Variants in MRC1 observed in about 807,000 individuals in gnomAD.
The protein encoded by MRC1 is macrophage mannose receptor 1.
Under a neutral mutation model 102.9 loss-of-function variants are expected in MRC1, and 62 were observed. The ratio of observed to expected loss-of-function variants is 0.60; its 90% CI spans 0.49 to 0.74. The LOEUF is 0.74. MRC1 is among the 30% of genes least tolerant of loss of function. MRC1 has a pLI of 0.00. For missense variants in MRC1, 1,237 were observed against 862.8 expected (o/e 1.43, Z -5.43); for synonymous variants, 457 against 298.4 (o/e 1.53, Z -5.48).
intron 3 of MRC1, among the ~76,000 whole-genome samples, chr10:17,831,277 A>C (rs1016471412): frequency 5.3e-5 from 8 of 151,372 alleles, no homozygotes; most frequent in African/African-American, 2.0e-4. Flanking sequence ...AATATACCCC[A>C]AATTAGTCTT....
At chr10:17,885,485 G>A in intron 22 of MRC1, 50 bp downstream of exon 22, 1 of 774,790 alleles carries the variant, frequency 1.3e-6, no homozygotes, top group South Asian at 1.4e-5. Flanking sequence ...GCTTGCACAG[G>A]GTTATCATCT....
At chr10:17,903,616 G>A (rs868953436) in intron 26 of MRC1, among the ~76,000 whole-genome samples, 4 of 151,584 alleles carry the variant, frequency 2.6e-5, no homozygotes, top group Non-Finnish European at 4.4e-5. Flanking sequence ...GGCTGTTTTC[G>A]AACTCCTGAC....
At chr10:17,817,721 C>A (rs191964922) in intron 1 of MRC1, among the ~76,000 whole-genome samples, 6 of 151,940 alleles carry the variant, frequency 3.9e-5, no homozygotes, top group Non-Finnish European at 7.4e-5. Flanking sequence ...TAAAACAGAT[C>A]GACTGTGTCG....
chr10:17,813,828 G>C (rs1030262559), intron 1 of MRC1, among the ~76,000 whole-genome samples: 1 of 151,418 alleles, frequency 6.6e-6, no homozygotes, highest in Non-Finnish European at 1.5e-5. Context: ...CTCCTAAGTA[G>C]CTGGCACCAC....
At chr10:17,841,586 A>G (rs1838750173) in intron 5 of MRC1, among the ~76,000 whole-genome samples, 1 of 152,204 alleles carries the variant, frequency 6.6e-6, no homozygotes, top group African/African-American at 2.4e-5. Context: ...AACAGAATAT[A>G]AAATAAGTTT....
At chr10:17,896,838 A>G (rs1350433967) in intron 23 of MRC1, among the ~76,000 whole-genome samples, 2 of 152,218 alleles carry the variant, frequency 1.3e-5, no homozygotes, top group African/African-American at 4.8e-5. Context: ...GACAAGGCCA[A>G]TGGCAGGTCA....
chr10:17,898,061 C>G lies in MRC1; in HGVS notation c.3278C>G (p.Thr1093Arg), dbSNP rs1486395056. The G allele has an allele frequency of 3.8e-6, 3 of 780,670 alleles. No homozygotes were observed. The highest frequency in any genetic ancestry group is 7.2e-6 in the Non-Finnish European group (3 of 417,940). 48.4% of individuals were successfully genotyped at this position (780,670 alleles called of 1,614,324 possible). A position where few individuals can be genotyped will look rare whatever the true frequency, so the allele number is the denominator to read the frequency against. Residue 1093 changes from threonine to arginine, a missense_variant, in exon 24 of 30, where the codon ACG becomes AGG. Transcript: ENST00000569591. ...SDPSLTNPPATIQTDGFVKYG... is the reference protein window; with the variant it reads ...SDPSLTNPPARIQTDGFVKYG... Reference sequence around the variant, plus strand: ...CCTTCCTTGACTAATCCTCCAGCAACGATTCAAACAGATGGCTTTGTTAAA... The same window carrying G: ...CCTTCCTTGACTAATCCTCCAGCAAGGATTCAAACAGATGGCTTTGTTAAA...
Position 17,863,646 on chromosome 10 carries a change from G to A in MRC1, c.1747G>A (p.Glu583Lys), listed in dbSNP as rs782744673. Residue 583 changes from glutamate (E) to lysine (K), a missense_variant, in exon 11 of 30, where the codon GAG becomes AAG. Coordinates refer to ENST00000569591, the MANE Select transcript of MRC1 (RefSeq NM_002438.4). ...GACTTTTCAGTGGACCATCGAGGAA[G>A]AGGTTCGGTTCACCCACTGGAATTC... ...KGTFQWTIEE[E>K]VRFTHWNSDM... 1 of 780,876 alleles carries A rather than the reference G, an allele frequency of 1.3e-6. No individual in the cohort carries two copies. Among genetic ancestry groups the A allele is most frequent in the Non-Finnish European group, 2.4e-6 (1 of 417,964 alleles). The allele number at this position is 780,876 out of a possible 1,614,324, so 48.4% of individuals were successfully genotyped here. A position where few individuals can be genotyped will look rare whatever the true frequency, so the allele number is the denominator to read the frequency against.
chr10:17,852,167 T>G (rs1436825760), intron 7 of MRC1, among the ~76,000 whole-genome samples: 6 of 152,232 alleles, frequency 3.9e-5, no homozygotes, highest in African/African-American at 1.4e-4. Context: ...ATTTAGGAAT[T>G]TTTAGCATGG....
At chr10:17,854,034 C>T (rs1320632117) in intron 8 of MRC1, among the ~76,000 whole-genome samples, 1 of 152,132 alleles carries the variant, frequency 6.6e-6, no homozygotes, top group Admixed American at 6.5e-5. Context: ...GTGGTGCAAT[C>T]TCAGCTCATT....
intron 22 of MRC1, among the ~76,000 whole-genome samples, chr10:17,891,137 T>G (rs1283040900): frequency 1.6e-5 from 2 of 126,068 alleles, no homozygotes; most frequent in Non-Finnish European, 3.1e-5. Flanking sequence ...CTAGTTTTAT[T>G]TATTTATTTA....
intron 1 of MRC1, among the ~76,000 whole-genome samples, chr10:17,816,070 T>C (rs949201210): frequency 6.6e-6 from 1 of 152,210 alleles, no homozygotes. Context: ...GTGATCCGCC[T>C]GCCTTGGCCT....
At chr10:17,862,214 G>T (rs1263653979) in intron 10 of MRC1, among the ~76,000 whole-genome samples, 4 of 149,612 alleles carry the variant, frequency 2.7e-5, no homozygotes, top group Non-Finnish European at 6.0e-5. Flanking sequence ...AAGGGATACT[G>T]TTGATATTAA....
At chr10:17,884,369 G>A (rs1227018214) in intron 21 of MRC1, among the ~76,000 whole-genome samples, 1 of 152,160 alleles carries the variant, frequency 6.6e-6, no homozygotes, top group Non-Finnish European at 1.5e-5. Flanking sequence ...CTCCCCAGGA[G>A]GAATCTCAAT....
intron 9 of MRC1, among the ~76,000 whole-genome samples, chr10:17,859,792 T>C (rs935777984): frequency 0.11 from 16,352 of 152,278 alleles, 1,056 homozygotes; most frequent in Non-Finnish European, 0.15. Flanking sequence ...ACTTTAATTT[T>C]TTGGCTGTGG....
At chr10:17,832,938 C>A (rs898504447) in intron 3 of MRC1, among the ~76,000 whole-genome samples, 3 of 152,112 alleles carry the variant, frequency 2.0e-5, no homozygotes, top group Non-Finnish European at 4.4e-5. Context: ...GTCTTGCATG[C>A]ATATATTGCA....
intron 1 of MRC1, among the ~76,000 whole-genome samples, chr10:17,812,861 A>G (rs2130569553): frequency 6.6e-6 from 1 of 152,208 alleles, no homozygotes; most frequent in Non-Finnish European, 1.5e-5. Flanking sequence ...ATGAGCCACC[A>G]CACCTGGCCA....
Position 17,849,699 on chromosome 10 carries a change from G to T in MRC1, c.1184G>T (p.Gly395Val). Residue 395 changes from glycine to valine, a missense_variant, in exon 7 of 30, where the codon GGC becomes GTC. Physicochemically the swap from Gly to Val is moderately radical, Grantham distance 109 (BLOSUM62 -3). Transcript: ENST00000569591. ...GCTCTGACCACCTGCAGGAAGGAAG[G>T]CGGTGACCTCACAAGTATCCACACC... ...RDALTTCRKE[G>V]GDLTSIHTIE... The T allele has an allele frequency of 1.3e-6, 1 of 780,932 alleles. No homozygotes were observed. The highest frequency in any genetic ancestry group is 1.7e-5 in the Admixed American group (1 of 59,022). 48.4% of individuals were successfully genotyped at this position (780,932 alleles called of 1,614,324 possible).
chr10:17,834,674 A>C (rs1838635796), intron 4 of MRC1, among the ~76,000 whole-genome samples: 1 of 152,204 alleles, frequency 6.6e-6, no homozygotes, highest in South Asian at 2.1e-4. Flanking sequence ...TTGGCCTCCC[A>C]AAGTGCTGGG....
Sources: allele counts gnomAD v4.1 joint callset (sites outside exome capture counted in the v4.1 genomes callset), GRCh38; gene constraint gnomAD v4.1.1; transcripts MANE v1.5; gene names NCBI Gene and HGNC (gene_info 2026-07-23, HGNC 2026-07-21).